Variants in ABCA3 observed in about 807,000 individuals in gnomAD.
ABCA3 encodes phospholipid-transporting ATPase ABCA3.
Under a neutral mutation model 172.8 loss-of-function variants are expected in ABCA3, and 88 were observed. That is an observed-to-expected ratio of 0.51 (90% confidence interval 0.43 to 0.61). The LOEUF (loss-of-function observed/expected upper bound fraction) is 0.61. ABCA3 is among the 20% of genes least tolerant of loss of function. The pLI is 0.00. For synonymous variants in ABCA3, 1,066 were observed against 983.8 expected (o/e 1.08, Z -1.56); for missense variants, 2,164 against 2,301.0 (o/e 0.94, Z 1.22).
chr16:2,315,892 A>G (rs1343696789), intron 10 of ABCA3, among the ~76,000 whole-genome samples: 1 of 120,478 alleles, frequency 8.3e-6, no homozygotes, highest in East Asian at 2.4e-4. Context: ...CATGTTGCCT[A>G]GGCTGGTCTT....
chr16:2,292,084 A>AT, intron 19 of ABCA3, 56 bp downstream of exon 19: 1 of 1,398,476 alleles, frequency 7.2e-7, no homozygotes, highest in East Asian at 2.3e-5. Flanking sequence ...AAAAAAAAAA[A>AT]GTCCTCTGCA....
At position 2,299,524 on chromosome 16, in the gene ABCA3, C is replaced by T. The variant is rs566551989; in HGVS notation, c.1620G>A (p.Arg540=). 1.1e-5 allele frequency: 17 copies of T among 1,613,384 alleles called. No homozygotes were observed. Among genetic ancestry groups the T allele is most frequent in the Non-Finnish European group, 1.4e-5 (17 of 1,179,998 alleles). ...CGGCCGCCCTGTCCTTATTTCCCAC[C>T]CTGAACACCTGCAGGAAAGGCAGAG... ...IKIKHLSKVF[R]VGNKDRAAVR... The change falls in exon 14 of 33, where the codon AGG becomes AGA. Residue 540 remains arginine (R), a synonymous_variant. Coordinates refer to ENST00000301732, the MANE Select transcript of ABCA3 (RefSeq NM_001089.3).
intron 19 of ABCA3, among the ~76,000 whole-genome samples, chr16:2,291,262 G>A (rs1412105908): frequency 6.6e-6 from 1 of 152,016 alleles, no homozygotes; most frequent in African/African-American, 2.4e-5. Flanking sequence ...GGAGGCAGAG[G>A]TTGCAGTGAG....
chr16:2,278,150 G>T lies in ABCA3; in HGVS notation c.4719-81C>A, dbSNP rs2093649497. The T allele has an allele frequency of 6.2e-7, 1 of 1,601,952 alleles. No homozygotes were observed. Among genetic ancestry groups the T allele is most frequent in the Non-Finnish European group, 8.5e-7 (1 of 1,175,472 alleles). On this transcript the variant is annotated intron_variant, in intron 30 of 32. Coordinates refer to ENST00000301732, the MANE Select transcript of ABCA3 (RefSeq NM_001089.3). The surrounding 1 kb of genome is among the most constrained non-coding windows in gnomAD (Gnocchi z 4.4). ...CAGGAAGGCATTGGCTCTCCGATCAGGCTGTTCCTGATACCCATGCTCAGT... is the reference window on the plus strand; with the variant it reads ...CAGGAAGGCATTGGCTCTCCGATCATGCTGTTCCTGATACCCATGCTCAGT...
chr16:2,298,987 T>C (rs1344368432), intron 14 of ABCA3, among the ~76,000 whole-genome samples: 1 of 152,108 alleles, frequency 6.6e-6, no homozygotes, highest in African/African-American at 2.4e-5. Flanking sequence ...TCACTGACCC[T>C]GTCAAGCTTG....
intron 7 of ABCA3, chr16:2,323,193 T>A (rs897620659): frequency 2.4e-6 from 1 of 422,560 alleles, no homozygotes; most frequent in African/African-American, 2.0e-5. Flanking sequence ...AGGAACACTT[T>A]TACACTGTTG....
chr16:2,278,954 G>C lies in ABCA3; in HGVS notation c.4536C>G (p.Val1512=). ...LLLEPHANKL[V]RTYSGGNKRK... is the part of the protein sequence containing the mutation. ...CTCGGGAGGTGCACCTGTACGTCCTGACCAGCTTGTTGGCATGTGGCTCCA... is the reference window on the plus strand; with the variant it reads ...CTCGGGAGGTGCACCTGTACGTCCTCACCAGCTTGTTGGCATGTGGCTCCA... Residue 1512 remains valine (V), a synonymous_variant, in exon 29 of 33, where the codon GTC becomes GTG. Transcript: ENST00000301732. This position sits in a 1 kb window ranked among gnomAD's most constrained non-coding sequence, Gnocchi z 4.4. 6.2e-7 allele frequency: 1 copy of C among 1,613,590 alleles called. No homozygotes were observed. Among genetic ancestry groups the C allele is most frequent in the Non-Finnish European group, 8.5e-7 (1 of 1,180,046 alleles).
At chr16:2,319,517 T>C in intron 8 of ABCA3, 64 bp downstream of exon 8, 1 of 1,577,862 alleles carries the variant, frequency 6.3e-7, no homozygotes, top group Non-Finnish European at 8.6e-7. Flanking sequence ...ACCAAGCCTT[T>C]GGACATGGCC....
chr16:2,321,996 G>A lies in ABCA3; in HGVS notation c.613+1527C>T, dbSNP rs554136141. Reference sequence around the variant, plus strand: ...GGGTGAATCATGAGGTCAAGAGATCGAGACCATCCTGGCCAACGTGGTGAA... The same window carrying A: ...GGGTGAATCATGAGGTCAAGAGATCAAGACCATCCTGGCCAACGTGGTGAA... On this transcript the variant is annotated intron_variant, in intron 7 of 32. Transcript: ENST00000301732. Among the ~76,000 whole-genome samples, 13 of 152,142 alleles carry A rather than the reference G, an allele frequency of 8.5e-5. 1 individual carries two copies. The South Asian group carries it at 2.7e-3, about 32-fold the overall frequency.
intron 12 of ABCA3, among the ~76,000 whole-genome samples, chr16:2,301,963 G>A: frequency 6.6e-6 from 1 of 152,246 alleles, no homozygotes; most frequent in East Asian, 1.9e-4. Flanking sequence ...GGAACACCTG[G>A]CCCGCCCAGG....
intron 10 of ABCA3, among the ~76,000 whole-genome samples, chr16:2,316,348 A>AG (rs1379760064): frequency 6.9e-6 from 1 of 145,334 alleles, no homozygotes; most frequent in East Asian, 2.0e-4. Context: ...AAAAAAGAAA[A>AG]GAAAAAAAAA....
At chr16:2,333,791 C>A (rs187751025) in intron 1 of ABCA3, among the ~76,000 whole-genome samples, 1 of 151,512 alleles carries the variant, frequency 6.6e-6, no homozygotes, top group East Asian at 2.0e-4. Context: ...TGGGTTCAAG[C>A]GATTCTGCTG....
chr16:2,317,544 A>C, intron 9 of ABCA3, 104 bp downstream of exon 9: 1 of 1,580,888 alleles, frequency 6.3e-7, no homozygotes, highest in Non-Finnish European at 8.7e-7. Context: ...TGAGGGACAG[A>C]CTCTCTCTGA....
intron 12 of ABCA3, among the ~76,000 whole-genome samples, chr16:2,302,390 ATATT>A (rs1284196639): frequency 1.4e-4 from 22 of 152,224 alleles, no homozygotes; most frequent in Non-Finnish European, 2.2e-4. Flanking sequence ...GTTTAAAACT[ATATT>A]TATAAATAGA....
At chr16:2,319,203 C>T (rs1199294698) in intron 8 of ABCA3, among the ~76,000 whole-genome samples, 1 of 151,762 alleles carries the variant, frequency 6.6e-6, no homozygotes, top group African/African-American at 2.4e-5. Context: ...GAAAGACCTC[C>T]GGCCGGGCAC....
Position 2,281,619 on chromosome 16 carries a change from C to CA in ABCA3, c.4036-111dup. The CA allele has an allele frequency of 7.3e-7, 1 of 1,373,258 alleles. No individual in the cohort carries two copies. Among genetic ancestry groups the CA allele is most frequent in the Non-Finnish European group, 1.0e-6 (1 of 985,512 alleles). The allele number at this position is 1,373,258 out of a possible 1,614,324, so 85.1% of individuals were successfully genotyped here. ...GGAGGTCTGGTGGGACTAAGGCCTT[C>CA]AAGGCTTCTCGTCCCAATCTCAGGC... On this transcript the variant is annotated intron_variant, in intron 26 of 32. Coordinates refer to ENST00000301732, the MANE Select transcript of ABCA3 (RefSeq NM_001089.3). The surrounding 1 kb of genome is among the most constrained non-coding windows in gnomAD (Gnocchi z 4.7).
intron 1 of ABCA3, chr16:2,332,517 G>T: frequency 1.0e-6 from 1 of 963,018 alleles, no homozygotes; most frequent in Non-Finnish European, 1.7e-6. Context: ...CATAAATCTG[G>T]GCCACATGAC....
intron 1 of ABCA3, among the ~76,000 whole-genome samples, chr16:2,336,597 A>ATTT (rs11284766): frequency 2.9e-3 from 297 of 101,150 alleles, no homozygotes; most frequent in Middle Eastern, 5.1e-3. Flanking sequence ...CGCCCAGCTA[A>ATTT]TTTTTTTTTT....
chr16:2,289,528 G>A lies in ABCA3; in HGVS notation c.2606C>T (p.Ala869Val). 1 of 1,582,748 alleles carries A rather than the reference G, an allele frequency of 6.3e-7. No homozygotes were observed. The highest frequency in any genetic ancestry group is 8.6e-7 in the Non-Finnish European group (1 of 1,165,628). ...GGCCCCACAGAGGTTGCTGTCCACA[G>A]CCCAGTCGCTGGCGCGCCTCTCGTG... ...YQHERRASDWAVDSNLCGAMD... is the reference protein window; with the variant it reads ...YQHERRASDWVVDSNLCGAMD... The change falls in exon 20 of 33, where the codon GCT (alanine) becomes GTT (valine). Residue 869 changes from alanine (A) to valine (V), a missense_variant. By Grantham distance (64) the Ala-to-Val change is moderately conservative. Coordinates refer to ENST00000301732, the MANE Select transcript of ABCA3 (RefSeq NM_001089.3).
Sources: gnomAD v4.1 joint callset for allele counts (sites outside exome capture counted in the v4.1 genomes callset) on GRCh38, gnomAD v4.1.1 for gene constraint, Gnocchi (gnomAD v3.1) non-coding constraint, MANE v1.5 for transcripts, NCBI Gene and HGNC (gene_info 2026-07-23, HGNC 2026-07-21) for gene names.